PLGRKT: variants seen among roughly 807,000 people sequenced by gnomAD.
PLGRKT encodes the protein plasminogen receptor (KT).
A neutral mutation model predicts 18.5 loss-of-function variants in PLGRKT; 22 were observed. The ratio of observed to expected loss-of-function variants is 1.19; its 90% CI spans 0.85 to 1.70. The LOEUF (loss-of-function observed/expected upper bound fraction) is 1.70. Among genes scored for constraint, PLGRKT ranks in the 40% most tolerant of loss-of-function variants. The pLI is 0.00. For synonymous variants in PLGRKT, 72 were observed against 52.8 expected (o/e 1.36, Z -1.58); for missense variants, 235 against 174.4 (o/e 1.35, Z -1.96).
chr9:5,362,347 A>C (rs546347745), intron 3 of PLGRKT, among the ~76,000 whole-genome samples: 3 of 152,222 alleles, frequency 2.0e-5, no homozygotes, highest in Non-Finnish European at 4.4e-5. Flanking sequence ...ATATCATAGT[A>C]GATGGGTGTT....
At chr9:5,415,849 C>T (rs898977517) in intron 3 of PLGRKT, among the ~76,000 whole-genome samples, 11 of 151,026 alleles carry the variant, frequency 7.3e-5, no homozygotes. Context: ...ATAACTGTCA[C>T]AGATGGGAGG....
intron 3 of PLGRKT, among the ~76,000 whole-genome samples, chr9:5,391,461 G>C (rs1430969620): frequency 6.6e-6 from 1 of 151,942 alleles, no homozygotes; most frequent in African/African-American, 2.4e-5. Flanking sequence ...CATAAAATTA[G>C]TTTGTTACAT....
At chr9:5,398,435 A>AGG (rs1257571569) in intron 3 of PLGRKT, among the ~76,000 whole-genome samples, 3 of 152,148 alleles carry the variant, frequency 2.0e-5, no homozygotes, top group African/African-American at 7.2e-5. Flanking sequence ...AAGTGACACA[A>AGG]GGTTTTGCCT....
chr9:5,399,782 G>A (rs1356311118), intron 3 of PLGRKT, among the ~76,000 whole-genome samples: 1 of 151,680 alleles, frequency 6.6e-6, no homozygotes, highest in Non-Finnish European at 1.5e-5. Flanking sequence ...TGGAAGTCAG[G>A]AGTTTGAGAC....
chr9:5,394,736 T>C (rs1048263129), intron 3 of PLGRKT, among the ~76,000 whole-genome samples: 5 of 151,918 alleles, frequency 3.3e-5, no homozygotes, highest in South Asian at 4.1e-4. Flanking sequence ...AAATATAACT[T>C]TTCATTTAGG....
chr9:5,420,787 T>C (rs1586740571), intron 3 of PLGRKT, among the ~76,000 whole-genome samples: 2 of 152,296 alleles, frequency 1.3e-5, no homozygotes, highest in Middle Eastern at 3.4e-3. Context: ...CTGCACTTTC[T>C]TGCTTTCCTC....
chr9:5,364,536 G>T (rs115412325), intron 3 of PLGRKT, among the ~76,000 whole-genome samples: 1,584 of 152,326 alleles, frequency 0.01, 36 homozygotes, highest in African/African-American at 0.037. Flanking sequence ...GGATGCACAA[G>T]ATGGAATGGG....
intron 3 of PLGRKT, among the ~76,000 whole-genome samples, chr9:5,428,001 A>G (rs1203672445): frequency 6.6e-6 from 1 of 151,928 alleles, no homozygotes; most frequent in African/African-American, 2.4e-5. Flanking sequence ...GCTGTGTCAT[A>G]CTCCCTTCTG....
chr9:5,413,548 T>C (rs1818404173), intron 3 of PLGRKT, among the ~76,000 whole-genome samples: 1 of 152,110 alleles, frequency 6.6e-6, no homozygotes, highest in South Asian at 2.1e-4. Flanking sequence ...GCCATGCTGC[T>C]AGCTTAAATG....
chr9:5,400,573 T>C (rs1818135568), intron 3 of PLGRKT, among the ~76,000 whole-genome samples: 2 of 151,866 alleles, frequency 1.3e-5, no homozygotes, highest in Non-Finnish European at 2.9e-5. Context: ...TAACACAAAA[T>C]TTGTGTTTAC....
chr9:5,404,811 T>A (rs955230873), intron 3 of PLGRKT, among the ~76,000 whole-genome samples: 1 of 152,170 alleles, frequency 6.6e-6, no homozygotes, highest in African/African-American at 2.4e-5. Context: ...TAAAGTGTAT[T>A]CAAATAGGAA....
chr9:5,403,233 T>C (rs1167876723), intron 3 of PLGRKT, among the ~76,000 whole-genome samples: 2 of 150,838 alleles, frequency 1.3e-5, no homozygotes, highest in Non-Finnish European at 3.0e-5. Context: ...TCTTTTTTTT[T>C]TTTTTTTGAG....
chr9:5,419,953 C>T (rs998221534), intron 3 of PLGRKT, among the ~76,000 whole-genome samples: 1 of 152,092 alleles, frequency 6.6e-6, no homozygotes, highest in South Asian at 2.1e-4. Context: ...ACACAATATC[C>T]AAAAGGTAGA....
intron 3 of PLGRKT, among the ~76,000 whole-genome samples, chr9:5,424,623 T>C (rs1310678757): frequency 1.5e-5 from 2 of 129,848 alleles, no homozygotes; most frequent in African/African-American, 3.0e-5. Context: ...TATTATATTA[T>C]ATTATATTAA....
At chr9:5,412,546 C>T (rs10815211) in intron 3 of PLGRKT, among the ~76,000 whole-genome samples, 39,437 of 152,010 alleles carry the variant, frequency 0.26, 5,526 homozygotes, top group African/African-American at 0.35. Context: ...TGATGCTTCC[C>T]GCCATGTCCT....
At position 5,428,254 on chromosome 9, in the gene PLGRKT, G is replaced by A. The variant is rs117542105; in HGVS notation, c.81+3643C>T. Among the ~76,000 whole-genome samples, 1,425 of 152,296 alleles carry A rather than the reference G, an allele frequency of 9.4e-3. 50 individuals are homozygous for A. The highest frequency in any genetic ancestry group is 0.064 in the Admixed American group (975 of 15,284). Reference sequence around the variant, plus strand: ...ATACAAAGCCTTGCTTACTGGCACTGAGTGGCTCTCTCCCTCCAGTCCCCA... The same window carrying A: ...ATACAAAGCCTTGCTTACTGGCACTAAGTGGCTCTCTCCCTCCAGTCCCCA... On this transcript the variant is annotated intron_variant, in intron 3 of 5. Coordinates refer to ENST00000223864, the MANE Select transcript of PLGRKT (RefSeq NM_018465.4).
chr9:5,410,564 T>C (rs1401529171), intron 3 of PLGRKT, among the ~76,000 whole-genome samples: 4 of 150,504 alleles, frequency 2.7e-5, no homozygotes, highest in African/African-American at 9.8e-5. Context: ...ACCAAAATCA[T>C]GTTGAAATCA....
At chr9:5,389,515 G>C (rs888407161) in intron 3 of PLGRKT, among the ~76,000 whole-genome samples, 2 of 151,722 alleles carry the variant, frequency 1.3e-5, no homozygotes, top group Non-Finnish European at 2.9e-5. Flanking sequence ...AAAATACTTT[G>C]GAAAGACTTT....
At chr9:5,416,776 T>C (rs887479655) in intron 3 of PLGRKT, among the ~76,000 whole-genome samples, 1 of 152,242 alleles carries the variant, frequency 6.6e-6, no homozygotes. Context: ...ATGGAAGGGC[T>C]AGGCAGCCAA....
Sources: gnomAD v4.1 joint callset for allele counts (sites outside exome capture counted in the v4.1 genomes callset) on GRCh38, gnomAD v4.1.1 for gene constraint, MANE v1.5 for transcripts, NCBI Gene and HGNC (gene_info 2026-07-23, HGNC 2026-07-21) for gene names.